CORO2B: variants seen among roughly 807,000 people sequenced by gnomAD.
The protein encoded by CORO2B is coronin 2B.
A neutral mutation model predicts 58.8 loss-of-function variants in CORO2B; 26 were observed. The ratio of observed to expected loss-of-function variants is 0.44; its 90% CI spans 0.32 to 0.61. CORO2B has a LOEUF of 0.61. Ranked by LOEUF, CORO2B falls within the 20% of genes least tolerant of loss-of-function variation. The probability of loss-of-function intolerance (pLI) is 0.04; values close to 1 mark genes in which losing one functional copy is unlikely to be tolerated. For missense variants in CORO2B, 460 were observed against 645.1 expected (o/e 0.71, Z 3.11); for synonymous variants, 242 against 253.8 (o/e 0.95, Z 0.44).
chr15:68,557,530 A>G, the CORO2B span, among the ~76,000 whole-genome samples: 2 of 152,222 alleles, frequency 1.3e-5, no homozygotes, highest in Non-Finnish European at 2.9e-5. Flanking sequence ...AAGGTCATAC[A>G]TCTGGAAAAT....
At chr15:68,561,440 A>G in the CORO2B span, among the ~76,000 whole-genome samples, 1 of 144,924 alleles carries the variant, frequency 6.9e-6, no homozygotes, top group Admixed American at 6.8e-5. Context: ...TGGACAAGCC[A>G]ACACTGCCTC....
chr15:68,587,050 ACACACACACAC>A (rs1899582638), intron 1 of CORO2B, among the ~76,000 whole-genome samples: 1 of 1,428 alleles, frequency 7.0e-4, no homozygotes, highest in Non-Finnish European at 1.7e-3. Context: ...AGATATGTAT[ACACACACACAC>A]ACACACACAC....
chr15:68,603,800 C>T (rs374589693), intron 1 of CORO2B, among the ~76,000 whole-genome samples: 19 of 152,284 alleles, frequency 1.2e-4, no homozygotes, highest in African/African-American at 3.6e-4. Context: ...CAGAACTGTA[C>T]GAAATAAATA....
At chr15:68,564,523 G>A in the CORO2B span, among the ~76,000 whole-genome samples, 3 of 152,022 alleles carry the variant, frequency 2.0e-5, no homozygotes, top group Admixed American at 1.3e-4. Context: ...TGTTGCCCAG[G>A]CTGGTCTCAA....
chr15:68,533,195 C>T, the CORO2B span, among the ~76,000 whole-genome samples: 2 of 152,130 alleles, frequency 1.3e-5, no homozygotes, highest in Non-Finnish European at 1.5e-5. Flanking sequence ...TGTTTCCCTT[C>T]CCCCTGAGAT....
the CORO2B span, among the ~76,000 whole-genome samples, chr15:68,551,797 A>G: frequency 6.6e-6 from 1 of 152,252 alleles, no homozygotes; most frequent in Non-Finnish European, 1.5e-5. Flanking sequence ...TGACAAATTA[A>G]TACTTTTCAC....
the CORO2B span, among the ~76,000 whole-genome samples, chr15:68,528,689 GTT>G: frequency 1.4e-4 from 17 of 117,988 alleles, no homozygotes; most frequent in South Asian, 2.8e-4. Context: ...TTTTCTGAGT[GTT>G]TTTTTTTTTT....
chr15:68,718,968 A>G (rs1350561746), intron 9 of CORO2B, among the ~76,000 whole-genome samples, 158 bp downstream of exon 9: 1 of 152,208 alleles, frequency 6.6e-6, no homozygotes, highest in East Asian at 1.9e-4. Context: ...AGATGGGGAC[A>G]GTTGGGTTTG....
the CORO2B span, among the ~76,000 whole-genome samples, chr15:68,533,748 T>C: frequency 2.0e-5 from 3 of 152,222 alleles, no homozygotes; most frequent in African/African-American, 4.8e-5. Context: ...TGACAGTTCT[T>C]AAAACAAGCA....
At chr15:68,661,034 C>T (rs8037940) in intron 2 of CORO2B, among the ~76,000 whole-genome samples, 4,734 of 151,132 alleles carry the variant, frequency 0.031, 217 homozygotes, top group African/African-American at 0.096. Flanking sequence ...CTGGAGTGCA[C>T]TGGAGTGATG....
intron 3 of CORO2B, among the ~76,000 whole-genome samples, chr15:68,695,658 C>T (rs1596020951): frequency 6.6e-6 from 1 of 152,126 alleles, no homozygotes; most frequent in Non-Finnish European, 1.5e-5. Context: ...GCAGGCTGGG[C>T]AGGGTAAATG....
intron 1 of CORO2B, among the ~76,000 whole-genome samples, chr15:68,641,317 G>C (rs758804039): frequency 6.6e-6 from 1 of 152,194 alleles, no homozygotes; most frequent in Non-Finnish European, 1.5e-5. Context: ...GCTGGGCTGT[G>C]GGGGCAACAG....
chr15:68,586,237 C>G (rs1021455692), intron 1 of CORO2B, among the ~76,000 whole-genome samples: 1 of 152,106 alleles, frequency 6.6e-6, no homozygotes, highest in Non-Finnish European at 1.5e-5. Context: ...AAGCACTTAC[C>G]ATATGCCTGA....
chr15:68,641,484 C>T (rs574846260), intron 1 of CORO2B: 1 of 961,990 alleles, frequency 1.0e-6, no homozygotes, highest in Admixed American at 6.2e-5. Flanking sequence ...GCAGAAGGAG[C>T]AGGGAAAAGG....
Position 68,713,941 on chromosome 15 carries a change from AC to A in CORO2B, c.667del (p.His223ThrfsTer3). On this transcript the variant is annotated frameshift_variant, in exon 6 of 12. Coordinates refer to ENST00000261861, the MANE Select transcript of CORO2B (RefSeq NM_006091.5). LOFTEE classifies it high-confidence loss of function. The part of the protein sequence containing the change: ...GRVLQEANCK[N>X]HRVNRVVFLG... ...TCCTACTAGGAGGCCAACTGCAAAAACCACAGAGTGAACCGGGTGGTGTTCC... is the reference window on the plus strand; with the variant it reads ...TCCTACTAGGAGGCCAACTGCAAAAACACAGAGTGAACCGGGTGGTGTTCC... 1 of 1,614,000 alleles carries A rather than the reference AC, an allele frequency of 6.2e-7. No homozygotes were observed. The highest frequency in any genetic ancestry group is 8.5e-7 in the Non-Finnish European group (1 of 1,179,936).
intron 2 of CORO2B, among the ~76,000 whole-genome samples, chr15:68,668,952 C>T (rs547427079): frequency 6.6e-6 from 1 of 152,148 alleles, no homozygotes; most frequent in African/African-American, 2.4e-5. Flanking sequence ...GTGGCATGTG[C>T]CTGTAATCCC....
chr15:68,536,995 C>T, the CORO2B span, among the ~76,000 whole-genome samples: 3 of 152,316 alleles, frequency 2.0e-5, no homozygotes, highest in South Asian at 6.2e-4. Context: ...TGTGGAGCAC[C>T]ACCCCAAACC....
At chr15:68,660,765 G>A (rs1901989550) in intron 2 of CORO2B, among the ~76,000 whole-genome samples, 1 of 152,090 alleles carries the variant, frequency 6.6e-6, no homozygotes, top group Non-Finnish European at 1.5e-5. Flanking sequence ...TGGTAAATCC[G>A]GTGAGGTCAT....
In CORO2B at chr15:68,718,680, C is replaced by T. The variant is rs558561656; in HGVS notation, c.968-18C>T. ...CAGTTTCTGGGACCCCATGGAGCCA[C>T]ATGTGTGCCTGTTACAGGGGTCATG... On this transcript the variant is annotated intron_variant, in intron 8 of 11. Transcript: ENST00000261861. 1 of 1,608,092 alleles carries T rather than the reference C, an allele frequency of 6.2e-7. No homozygotes were observed. The highest frequency in any genetic ancestry group is 1.1e-5 in the South Asian group (1 of 90,778).
Sources: gnomAD v4.1 joint callset for allele counts (sites outside exome capture counted in the v4.1 genomes callset) on GRCh38, gnomAD v4.1.1 for gene constraint, MANE v1.5 for transcripts, NCBI Gene and HGNC (gene_info 2026-07-23, HGNC 2026-07-21) for gene names.